Variants in HERC4 observed in about 807,000 individuals in gnomAD.
HERC4 encodes the protein probable E3 ubiquitin-protein ligase HERC4.
Under a neutral mutation model 124.3 loss-of-function variants are expected in HERC4, and 28 were observed. The ratio of observed to expected loss-of-function variants is 0.23; its 90% CI spans 0.17 to 0.31. The LOEUF is 0.31. Among genes scored for constraint, HERC4 ranks in the 10% least tolerant of loss-of-function variants. The pLI is 1.00. For synonymous variants in HERC4, 407 were observed against 421.5 expected, an observed-to-expected ratio of 0.97 and a Z score of 0.42; for missense variants, 713 against 1,229.3, an observed-to-expected ratio of 0.58 and a Z score of 6.28.
chr10:68,071,440 T>C (rs1403236210), intron 3 of HERC4, among the ~76,000 whole-genome samples: 1 of 152,230 alleles, frequency 6.6e-6, no homozygotes, highest in African/African-American at 2.4e-5. Context: ...CTATGGCCTT[T>C]CAGAAATTAT....
chr10:68,052,170 T>A (rs748030875), intron 3 of HERC4, among the ~76,000 whole-genome samples: 3 of 152,182 alleles, frequency 2.0e-5, no homozygotes, highest in African/African-American at 4.8e-5. Flanking sequence ...AGGCAAAACC[T>A]GAAAAGATAA....
Position 68,028,912 on chromosome 10 carries a change from T to A in HERC4, c.778-3236A>T, listed in dbSNP as rs575408498. On this transcript the variant is annotated intron_variant, in intron 7 of 24. Transcript: ENST00000373700. The stretch of plus-strand genomic sequence containing the variant: ...GCAGTAAGACTACAGAATGCACACT[T>A]GTAATTCCAGCATTTTGGGGGGCTG... 1.0e-3 allele frequency among the ~76,000 whole-genome samples: 152 copies of A among 152,324 alleles called. 1 individual carries two copies. The highest frequency in any genetic ancestry group is 1.8e-3 in the Non-Finnish European group (120 of 68,032).
At chr10:68,059,660 ATTAT>A (rs1339994547) in intron 3 of HERC4, among the ~76,000 whole-genome samples, 3 of 77,194 alleles carry the variant, frequency 3.9e-5, no homozygotes, top group Admixed American at 2.1e-4. Flanking sequence ...TATATATCAT[ATTAT>A]ATATTATATT....
chr10:68,059,493 A>ATATTATATATTATAATATTATATAT (rs2040742825), intron 3 of HERC4, among the ~76,000 whole-genome samples: 2 of 129,698 alleles, frequency 1.5e-5, no homozygotes, highest in Non-Finnish European at 3.1e-5. Flanking sequence ...ATATATTATA[A>ATATTATATATTATAATATTATATAT]CATTATATAT....
chr10:67,952,485 T>C (rs978707335), intron 19 of HERC4, among the ~76,000 whole-genome samples: 1 of 152,098 alleles, frequency 6.6e-6, no homozygotes, highest in Non-Finnish European at 1.5e-5. Flanking sequence ...GGTTTCATCA[T>C]GTTGGCTAGA....
At chr10:68,026,702 G>C (rs1460255530) in intron 7 of HERC4, among the ~76,000 whole-genome samples, 1 of 152,086 alleles carries the variant, frequency 6.6e-6, no homozygotes, top group South Asian at 2.1e-4. Flanking sequence ...AAATAGCCAG[G>C]CATGGTGGCA....
At chr10:68,033,007 C>G in intron 6 of HERC4, 138 bp from the exon 7 acceptor site, 1 of 607,328 alleles carries the variant, frequency 1.6e-6, no homozygotes, top group Non-Finnish European at 3.0e-6. Flanking sequence ...TTTTGTAGTA[C>G]AAGCTTACTA....
At chr10:67,989,737 G>A (rs1463017470) in intron 14 of HERC4, among the ~76,000 whole-genome samples, 1 of 151,898 alleles carries the variant, frequency 6.6e-6, no homozygotes, top group Admixed American at 6.6e-5. Context: ...AGATAGAAGT[G>A]CAAGATCAGA....
At chr10:68,008,267 C>G (rs2037707789) in intron 9 of HERC4, among the ~76,000 whole-genome samples, 1 of 152,220 alleles carries the variant, frequency 6.6e-6, no homozygotes, top group African/African-American at 2.4e-5. Context: ...AGTACTGGGT[C>G]TCACCCAAAG....
chr10:68,040,543 G>C (rs576216407), intron 4 of HERC4: 2 of 581,008 alleles, frequency 3.4e-6, no homozygotes, highest in Non-Finnish European at 4.3e-6. Flanking sequence ...ACATAAAAAA[G>C]ATAATGTGTT....
chr10:67,939,482 GTTCT>G (rs1315918743), intron 21 of HERC4, 102 bp downstream of exon 21: 10 of 703,708 alleles, frequency 1.4e-5, no homozygotes, highest in South Asian at 6.2e-5. Context: ...TAGCTAAAGG[GTTCT>G]TTAAGAATTC....
chr10:67,946,706 A>G (rs929437764), intron 19 of HERC4, among the ~76,000 whole-genome samples: 1 of 152,138 alleles, frequency 6.6e-6, no homozygotes, highest in Non-Finnish European at 1.5e-5. Flanking sequence ...CAAGAGATCG[A>G]GACCATCCTG....
intron 7 of HERC4, among the ~76,000 whole-genome samples, chr10:68,027,968 T>C (rs921679898): frequency 6.9e-6 from 1 of 145,472 alleles, no homozygotes; most frequent in Non-Finnish European, 1.5e-5. Context: ...TTTTATTATA[T>C]ATATATTTAT....
chr10:68,009,240 G>A (rs905100907), intron 9 of HERC4, among the ~76,000 whole-genome samples: 5 of 149,498 alleles, frequency 3.3e-5, no homozygotes, highest in African/African-American at 1.2e-4. Context: ...AAAAAAAAAA[G>A]GATGTTTATA....
At chr10:67,949,243 C>T (rs1467305419) in intron 19 of HERC4, among the ~76,000 whole-genome samples, 1 of 152,026 alleles carries the variant, frequency 6.6e-6, no homozygotes, top group East Asian at 1.9e-4. Flanking sequence ...GAGATCGTGC[C>T]ACTGCACTCC....
At chr10:67,948,920 C>T (rs959108115) in intron 19 of HERC4, among the ~76,000 whole-genome samples, 11 of 150,456 alleles carry the variant, frequency 7.3e-5, no homozygotes, top group African/African-American at 2.7e-4. Flanking sequence ...GACTCTATCT[C>T]ACACCCTCAA....
At chr10:68,038,906 T>C (rs529163400) in intron 4 of HERC4, among the ~76,000 whole-genome samples, 1 of 152,308 alleles carries the variant, frequency 6.6e-6, no homozygotes, top group East Asian at 1.9e-4. Context: ...CAAAACTCAA[T>C]TAACTTTGTA....
At chr10:68,005,881 A>T (rs1211222487) in intron 9 of HERC4, among the ~76,000 whole-genome samples, 1 of 151,798 alleles carries the variant, frequency 6.6e-6, no homozygotes, top group Non-Finnish European at 1.5e-5. Flanking sequence ...TTTATTTTTT[A>T]TATAAATGGG....
At chr10:67,927,430 A>ATATATATATTTT (rs1564911511) in intron 23 of HERC4, among the ~76,000 whole-genome samples, 3 of 37,910 alleles carry the variant, frequency 7.9e-5, no homozygotes, top group Non-Finnish European at 1.5e-4. Context: ...ATATATATAT[A>ATATATATATTTT]TTTTTTTTTT....
Sources: allele counts gnomAD v4.1 joint callset (sites outside exome capture counted in the v4.1 genomes callset), GRCh38; gene constraint gnomAD v4.1.1; transcripts MANE v1.5; gene names NCBI Gene and HGNC (gene_info 2026-07-23, HGNC 2026-07-21).